Variants in CUZD1 observed in about 807,000 individuals in gnomAD.
The protein encoded by CUZD1 is CUB and zona pellucida like domains 1.
Under a neutral mutation model 53.1 loss-of-function variants are expected in CUZD1, and 42 were observed. That is an observed-to-expected ratio of 0.79 (90% CI 0.62 to 1.02). CUZD1 has a LOEUF of 1.02. Ranked by LOEUF, CUZD1 falls within the 50% of genes least tolerant of loss-of-function variation. The pLI is 0.00. For missense variants in CUZD1, 670 were observed against 715.7 expected, an observed-to-expected ratio of 0.94 and a Z score of 0.73; for synonymous variants, 238 against 257.2, an observed-to-expected ratio of 0.93 and a Z score of 0.71.
rs147194955 is a variant in CUZD1 at position 122,838,882 on chromosome 10, G to T, written c.448+135C>A. ...GATTCTTATGCACATGTAAGTTAGA[G>T]AACTACTGCTCTCTCAGATAGAGAA... is the stretch of plus-strand genomic sequence containing the variant. On this transcript the variant is annotated intron_variant, in intron 3 of 8. Transcript: ENST00000392790. The T allele has an allele frequency of 2.1e-5, 14 of 666,242 alleles. No homozygotes were observed. The African/African-American group carries it at 2.2e-4, about 10-fold the overall frequency. 41.3% of individuals were successfully genotyped at this position (666,242 alleles called of 1,614,324 possible).
At chr10:122,836,099 TAGCAA>T in intron 6 of CUZD1, 74 bp downstream of exon 6, 1 of 1,336,076 alleles carries the variant, frequency 7.5e-7, no homozygotes, top group Non-Finnish European at 1.0e-6. Flanking sequence ...TTACAGCAGC[TAGCAA>T]GCATTACCCT....
intron 8 of CUZD1, 56 bp downstream of exon 8, chr10:122,833,616 G>A: frequency 6.4e-7 from 1 of 1,558,572 alleles, no homozygotes; most frequent in Non-Finnish European, 8.7e-7. Flanking sequence ...CTGGATTTGA[G>A]CAGCATTTTA....
intron 1 of CUZD1, among the ~76,000 whole-genome samples, chr10:122,841,662 A>G (rs1847347483): frequency 6.6e-6 from 1 of 152,216 alleles, no homozygotes; most frequent in South Asian, 2.1e-4. Context: ...TGTTAAGTGT[A>G]TATTTAACTG....
At chr10:122,844,033 T>C (rs184924400) in intron 1 of CUZD1, among the ~76,000 whole-genome samples, 1 of 148,574 alleles carries the variant, frequency 6.7e-6, no homozygotes, top group Non-Finnish European at 1.5e-5. Context: ...TATATATATA[T>C]ATAGAGAGAG....
Position 122,835,024 on chromosome 10 carries a change from C to T in CUZD1, c.1064G>A (p.Arg355His), listed in dbSNP as rs188322992. The change falls in exon 7 of 9, where the codon CGT (arginine) becomes CAT (histidine). Residue 355 changes from arginine (R) to histidine (H), a missense_variant. Physicochemically the swap from Arg to His is conservative, Grantham distance 29. Transcript: ENST00000392790. ...CACAATAATCTGGAGTTGTTTCTGA[C>T]GGGTGATCACTTCAGAAGTTGAGGA... ...SASSTSEVIT[R>H]QKQLQIIVKC... The T allele has an allele frequency of 5.1e-5, 83 of 1,612,344 alleles. 1 individual carries two copies. Among genetic ancestry groups the T allele is most frequent in the East Asian group, 2.9e-4 (13 of 44,852 alleles).
intron 6 of CUZD1, among the ~76,000 whole-genome samples, chr10:122,835,780 T>G (rs1847240572): frequency 6.6e-6 from 1 of 152,018 alleles, no homozygotes; most frequent in Non-Finnish European, 1.5e-5. Context: ...TTTTAAATGT[T>G]TTTTTTTCCT....
At position 122,834,765 on chromosome 10, in the gene CUZD1, G is replaced by A. The variant is rs756159212; in HGVS notation, c.1323C>T (p.Thr441=). Residue 441 remains threonine, a synonymous_variant, in exon 7 of 9, where the codon ACC becomes ACT. Coordinates refer to ENST00000392790, the MANE Select transcript of CUZD1 (RefSeq NM_022034.6). ...SDPNLVVFLD[T]CRASPTSDFA... ...AGTCAGAGGTGGGAGAGGCTCTACA[G>A]GTATCAAGAAACACCACCAAATTTG... 1 of 1,613,680 alleles carries A rather than the reference G, an allele frequency of 6.2e-7. No homozygotes were observed. Among genetic ancestry groups the A allele is most frequent in the Non-Finnish European group, 8.5e-7 (1 of 1,179,754 alleles).
chr10:122,845,626 C>T, intron 1 of CUZD1, 136 bp downstream of exon 1: 2 of 583,584 alleles, frequency 3.4e-6, no homozygotes, highest in Non-Finnish European at 5.9e-6. Flanking sequence ...ATTTAAAATC[C>T]CCTCCAAGAG....
In CUZD1 at chr10:122,834,805, A is replaced by G. The variant is rs769217392; in HGVS notation, c.1283T>C (p.Leu428Pro). 5 of 1,613,926 alleles carry G rather than the reference A, an allele frequency of 3.1e-6. No homozygotes were observed. The East Asian group carries it at 1.1e-4, about 36-fold the overall frequency. ...LNQTLFVQVSLHTSDPNLVVF... is the reference protein window; with the variant it reads ...LNQTLFVQVSPHTSDPNLVVF... ...CACCAAATTTGGATCTGAGGTGTGCAGACTAACTTGAACAAAAAGAGTTTG... is the reference window on the plus strand; with the variant it reads ...CACCAAATTTGGATCTGAGGTGTGCGGACTAACTTGAACAAAAAGAGTTTG... The change falls in exon 7 of 9, where the codon CTG (leucine) becomes CCG (proline). Residue 428 changes from leucine to proline, a missense_variant. By Grantham distance (98) the Leu-to-Pro change is moderately conservative (BLOSUM62 -3). Transcript: ENST00000392790.
At chr10:122,839,937 T>C (rs1847311708) in intron 2 of CUZD1, among the ~76,000 whole-genome samples, 1 of 152,246 alleles carries the variant, frequency 6.6e-6, no homozygotes, top group Admixed American at 6.5e-5. Flanking sequence ...AGTTTTCTCA[T>C]CTGTAAAATG....
intron 3 of CUZD1, 127 bp downstream of exon 3, chr10:122,838,890 G>A (rs951898646): frequency 8.6e-6 from 6 of 693,734 alleles, no homozygotes; most frequent in African/African-American, 5.4e-5. Flanking sequence ...GAGAACTACT[G>A]CTCTCTCAGA....
chr10:122,834,679 A>T (rs751813445), intron 7 of CUZD1, 27 bp downstream of exon 7: 24 of 1,525,318 alleles, frequency 1.6e-5, no homozygotes, highest in Non-Finnish European at 2.1e-5. Flanking sequence ...GGAATATCAT[A>T]CATACATCAG....
rs756933688 is a variant in CUZD1, at chr10:122,834,909, A to G, written c.1179T>C (p.Tyr393=). ...VIQSQNALGK[Y]NTSMALFESN... is the part of the protein sequence containing the mutation. ...ATTCAAAAAGAGCCATGCTGGTGTT[A>G]TATTTGCCCAGTGCATTTTGACTTT... The change falls in exon 7 of 9, where the codon TAT becomes TAC. Residue 393 remains tyrosine (Y), a synonymous_variant. Coordinates refer to ENST00000392790, the MANE Select transcript of CUZD1 (RefSeq NM_022034.6). 6.2e-6 allele frequency: 10 copies of G among 1,613,566 alleles called. No homozygotes were observed. Among genetic ancestry groups the G allele is most frequent in the South Asian group, 1.1e-5 (1 of 91,022 alleles).
At chr10:122,837,318 G>A (rs530233882) in intron 4 of CUZD1, 86 bp downstream of exon 4, 38 of 1,376,944 alleles carry the variant, frequency 2.8e-5, no homozygotes, top group Middle Eastern at 2.2e-4. Flanking sequence ...TGAGAATTAC[G>A]TATGATAATT....
chr10:122,841,057 G>A (rs888100600), intron 2 of CUZD1, 121 bp downstream of exon 2: 34 of 899,430 alleles, frequency 3.8e-5, no homozygotes, highest in Non-Finnish European at 5.5e-5. Flanking sequence ...CATCACGATG[G>A]TTGTCAGTGT....
chr10:122,841,120 C>G, intron 2 of CUZD1, 58 bp downstream of exon 2: 1 of 1,507,136 alleles, frequency 6.6e-7, no homozygotes, highest in Non-Finnish European at 9.0e-7. Flanking sequence ...TCCCCCTACC[C>G]ACCCCAATGT....
intron 1 of CUZD1, among the ~76,000 whole-genome samples, chr10:122,844,707 A>C (rs186185663): frequency 2.6e-5 from 4 of 152,222 alleles, no homozygotes; most frequent in Admixed American, 2.0e-4. Flanking sequence ...TTTTCTATAA[A>C]ATTTTTAAAA....
intron 1 of CUZD1, among the ~76,000 whole-genome samples, chr10:122,842,338 G>C (rs1250753526): frequency 1.3e-5 from 2 of 152,066 alleles, no homozygotes; most frequent in Admixed American, 1.3e-4. Context: ...TTTGCATATG[G>C]GTGTCCAATT....
intron 8 of CUZD1, among the ~76,000 whole-genome samples, chr10:122,833,364 T>C (rs1278699170): frequency 3.9e-5 from 6 of 152,214 alleles, no homozygotes; most frequent in Admixed American, 2.0e-4. Context: ...TTATCTGCTA[T>C]GCCATCTATA....
Sources: gnomAD v4.1 joint callset for allele counts (sites outside exome capture counted in the v4.1 genomes callset) on GRCh38, gnomAD v4.1.1 for gene constraint, MANE v1.5 for transcripts, NCBI Gene and HGNC (gene_info 2026-07-23, HGNC 2026-07-21) for gene names.